LEF1: variants seen among roughly 807,000 people sequenced by gnomAD.
The protein encoded by LEF1 is lymphoid enhancer binding factor 1, also known as lymphoid enhancer-binding factor 1.
Under a neutral mutation model 51.2 loss-of-function variants are expected in LEF1, and 14 were observed. That is an observed-to-expected ratio of 0.27 (90% CI 0.18 to 0.43). LEF1 has a LOEUF of 0.43. Ranked by LOEUF, LEF1 falls within the 20% of genes least tolerant of loss-of-function variation. LEF1 has a pLI of 1.00. For missense variants in LEF1, 386 were observed against 512.0 expected, an observed-to-expected ratio of 0.75 and a Z score of 2.37; for synonymous variants, 185 against 183.2, an observed-to-expected ratio of 1.01 and a Z score of -0.08.
Position 108,063,274 on chromosome 4 carries a change from A to G in LEF1, c.*6+349T>C, listed in dbSNP as rs145814188. Among the ~76,000 whole-genome samples, 4 of 152,310 alleles carry G rather than the reference A, an allele frequency of 2.6e-5. No individual in the cohort carries two copies. The East Asian group carries it at 7.7e-4, about 29-fold the overall frequency. On this transcript the variant is annotated intron_variant, in intron 11 of 11. Coordinates refer to ENST00000265165, the MANE Select transcript of LEF1 (RefSeq NM_016269.5). ...CAAACCCACCCTGGATTTGCTGAGT[A>G]AGATGGCATTTTGCTTACTGTTTGT...
chr4:108,114,020 T>C (rs1014001091), intron 3 of LEF1, among the ~76,000 whole-genome samples: 1 of 152,204 alleles, frequency 6.6e-6, no homozygotes, highest in African/African-American at 2.4e-5. Context: ...AAGTATGTTA[T>C]AGAAAATTCA....
chr4:108,089,382 C>A (rs1044269623), intron 3 of LEF1, 125 bp from the exon 4 acceptor site: 3 of 948,434 alleles, frequency 3.2e-6, no homozygotes, highest in Non-Finnish European at 3.1e-6. Context: ...CACCTTCAGA[C>A]CTGGACAGGT....
intron 8 of LEF1, among the ~76,000 whole-genome samples, chr4:108,074,521 G>C (rs181619492): frequency 5.3e-5 from 8 of 152,154 alleles, no homozygotes; most frequent in Non-Finnish European, 8.8e-5. Flanking sequence ...ATATAGTAAA[G>C]ATGAATAAAA....
chr4:108,054,304 G>T (rs1737187931), intron 11 of LEF1, among the ~76,000 whole-genome samples: 1 of 152,256 alleles, frequency 6.6e-6, no homozygotes, highest in African/African-American at 2.4e-5. Context: ...AGAGCCGGGC[G>T]AGTGCAGGGC....
intron 3 of LEF1, among the ~76,000 whole-genome samples, chr4:108,110,171 T>G (rs1235931539): frequency 1.3e-5 from 2 of 152,192 alleles, no homozygotes; most frequent in Admixed American, 1.3e-4. Flanking sequence ...AAAATTAACA[T>G]TCTCCAAACA....
rs547529973 is a variant in LEF1, at chr4:108,168,093, G to T, written c.-326C>A. ...GGCGTCTGCGCGGCGCGCGCTAGAC[G>T]AGGCTGCCCCGGCGGCCACCCCGCG... On this transcript the variant is annotated 5_prime_UTR_variant, in exon 1 of 12. Coordinates refer to ENST00000265165, the MANE Select transcript of LEF1 (RefSeq NM_016269.5). The surrounding 1 kb of genome is among the most constrained non-coding windows in gnomAD (Gnocchi z 4.6). 5 of 154,048 alleles carry T rather than the reference G, an allele frequency of 3.2e-5. No homozygotes were observed. The highest frequency in any genetic ancestry group is 1.2e-4 in the African/African-American group (5 of 41,592). The allele number at this position is 154,048 out of a possible 1,614,324, so 9.5% of individuals were successfully genotyped here.
chr4:108,167,351 TACACACACACACACAC>T lies in LEF1; in HGVS notation c.213+188_213+203del, dbSNP rs35000095. Among the ~76,000 whole-genome samples, 31 of 131,770 alleles carry T rather than the reference TACACACACACACACAC, an allele frequency of 2.4e-4. No individual in the cohort carries two copies. The highest frequency in any genetic ancestry group is 1.2e-3 in the East Asian group (5 of 4,278). 86.4% of individuals were successfully genotyped at this position (131,770 alleles called of 152,430 possible). A position where few individuals can be genotyped will look rare whatever the true frequency, so the allele number is the denominator to read the frequency against. ...TACCCTGCCCCTCTACCTCCCATCC[TACACACACACACACAC>T]ACACACACACACACACACACACACA... is the stretch of plus-strand genomic sequence containing the variant. On this transcript the variant is annotated intron_variant, in intron 1 of 11. Transcript: ENST00000265165. This position sits in a 1 kb window ranked among gnomAD's most constrained non-coding sequence, Gnocchi z 5.7.
At chr4:108,116,251 TG>T (rs1242938607) in intron 3 of LEF1, among the ~76,000 whole-genome samples, 1 of 152,162 alleles carries the variant, frequency 6.6e-6, no homozygotes, top group Non-Finnish European at 1.5e-5. Flanking sequence ...CCAGGCACAG[TG>T]GCTCACACCT....
At chr4:108,113,249 T>C (rs1741634244) in intron 3 of LEF1, among the ~76,000 whole-genome samples, 1 of 152,184 alleles carries the variant, frequency 6.6e-6, no homozygotes. Flanking sequence ...CCAGATAGCA[T>C]TTTGAGAACG....
At chr4:108,164,420 G>C (rs548426384) in intron 2 of LEF1, among the ~76,000 whole-genome samples, 1 of 152,148 alleles carries the variant, frequency 6.6e-6, no homozygotes, top group African/African-American at 2.4e-5. Flanking sequence ...TTTCAGTTAG[G>C]CCAATTGTTA....
chr4:108,114,844 G>A (rs1003963459), intron 3 of LEF1, among the ~76,000 whole-genome samples: 2 of 152,200 alleles, frequency 1.3e-5, no homozygotes, highest in Non-Finnish European at 2.9e-5. Context: ...GGAACAGCCG[G>A]CTTCCTCTGT....
intron 3 of LEF1, among the ~76,000 whole-genome samples, chr4:108,091,360 T>C (rs1036761390): frequency 1.3e-5 from 2 of 151,842 alleles, no homozygotes; most frequent in Admixed American, 1.3e-4. Context: ...TTAGAAAAAT[T>C]AGAATTCTTA....
At chr4:108,078,627 T>G (rs959226804) in intron 7 of LEF1, among the ~76,000 whole-genome samples, 7 of 152,120 alleles carry the variant, frequency 4.6e-5, no homozygotes, top group African/African-American at 1.7e-4. Flanking sequence ...CCCTTTGGTT[T>G]GAGAAAGTGG....
At chr4:108,103,042 T>C (rs1053814964) in intron 3 of LEF1, among the ~76,000 whole-genome samples, 1 of 152,182 alleles carries the variant, frequency 6.6e-6, no homozygotes, top group Admixed American at 6.5e-5. Flanking sequence ...CAAACCATGA[T>C]GCAGCCCATT....
chr4:108,147,516 C>T (rs1744068464), intron 3 of LEF1, among the ~76,000 whole-genome samples: 1 of 152,112 alleles, frequency 6.6e-6, no homozygotes, highest in African/African-American at 2.4e-5. Flanking sequence ...AATTTAATCT[C>T]CATTTTCCTC....
intron 3 of LEF1, among the ~76,000 whole-genome samples, chr4:108,155,699 A>T (rs936844575): frequency 6.6e-6 from 1 of 152,210 alleles, no homozygotes; most frequent in Non-Finnish European, 1.5e-5. Context: ...CTCATCAATC[A>T]GATCAGGTAG....
Position 108,092,917 on chromosome 4 carries a change from TAAAAAAAAAAAAAAAAAAA to T in LEF1, c.415-3679_415-3661del, listed in dbSNP as rs71592104. 8.7e-4 allele frequency among the ~76,000 whole-genome samples: 27 copies of T among 31,142 alleles called. 1 individual carries two copies. In the South Asian group the frequency reaches 0.037, roughly 42 times the overall value. The allele number at this position is 31,142 out of a possible 152,430, so 20.4% of individuals were successfully genotyped here. ...GTGGGTATTGGAAACAATGAATATG[TAAAAAAAAAAAAAAAAAAA>T]AAAAAAAAAAAAAGACAAGCAAAAT... is the stretch of plus-strand genomic sequence containing the variant. On this transcript the variant is annotated intron_variant, in intron 3 of 11. Coordinates refer to ENST00000265165, the MANE Select transcript of LEF1 (RefSeq NM_016269.5).
chr4:108,151,116 T>C (rs1302697583), intron 3 of LEF1, among the ~76,000 whole-genome samples: 1 of 152,208 alleles, frequency 6.6e-6, no homozygotes, highest in Non-Finnish European at 1.5e-5. Flanking sequence ...GCTAAACTCA[T>C]GAATGCCTGT....
intron 3 of LEF1, among the ~76,000 whole-genome samples, chr4:108,124,280 T>A (rs1260995627): frequency 6.6e-6 from 1 of 152,182 alleles, no homozygotes; most frequent in East Asian, 1.9e-4. Flanking sequence ...TCCAAAATAT[T>A]CACATATATG....
Sources: allele counts gnomAD v4.1 joint callset (sites outside exome capture counted in the v4.1 genomes callset), GRCh38; gene constraint gnomAD v4.1.1; non-coding constraint Gnocchi (gnomAD v3.1); transcripts MANE v1.5; gene names NCBI Gene and HGNC (gene_info 2026-07-23, HGNC 2026-07-21).